The following DMD variants were observed in gnomAD, a reference collection of about 807,000 sequenced individuals.
DMD encodes the protein dystrophin.
A neutral mutation model predicts 330.1 loss-of-function variants in DMD; 63 were observed. The ratio of observed to expected loss-of-function variants is 0.19; its 90% CI spans 0.16 to 0.24. The LOEUF (loss-of-function observed/expected upper bound fraction) is 0.24. Among genes scored for constraint, DMD ranks in the 10% least tolerant of loss-of-function variants. The pLI is 1.00. For synonymous variants in DMD, 1,223 were observed against 959.8 expected, an observed-to-expected ratio of 1.27 and a Z score of -5.07; for missense variants, 3,344 against 2,684.1, an observed-to-expected ratio of 1.25 and a Z score of -5.43.
At chrX:33,172,397 A>G (rs1370597544) in intron 1 of DMD, among the ~76,000 whole-genome samples, 2 of 111,862 alleles carry the variant, frequency 1.8e-5, no homozygotes, top group Non-Finnish European at 3.8e-5. Context: ...CTAAAATTTC[A>G]TCCATCTTTC....
At chrX:32,022,237 A>C (rs986935747) in intron 44 of DMD, among the ~76,000 whole-genome samples, 3 of 112,127 alleles carry the variant, frequency 2.7e-5, no homozygotes, top group African/African-American at 9.7e-5. Flanking sequence ...TGAGAAAGAA[A>C]CCAAAATTCA....
intron 13 of DMD, among the ~76,000 whole-genome samples, chrX:32,586,808 T>C (rs2054340624): frequency 9.0e-6 from 1 of 110,914 alleles, no homozygotes; most frequent in African/African-American, 3.3e-5. Context: ...TTAACTTCAT[T>C]ATGCATTGGC....
Position 31,345,761 on chromosome X carries a change from C to T in DMD, c.9163+2795G>A, listed in dbSNP as rs145574169. Among the ~76,000 whole-genome samples, 987 of 111,579 alleles carry T rather than the reference C, an allele frequency of 8.8e-3. 3 individuals carry two copies. The highest frequency in any genetic ancestry group is 0.018 in the Middle Eastern group (4 of 217). On this transcript the variant is annotated intron_variant, in intron 61 of 78. Transcript: ENST00000357033. ...AGAGCCGTTCCTAAAAGCCACGATC[C>T]CACTCATTTAGATAAACTGCTTTAA...
At chrX:32,449,889 AAG>A (rs755133937) in intron 26 of DMD, among the ~76,000 whole-genome samples, 36 of 110,958 alleles carry the variant, frequency 3.2e-4, no homozygotes, top group African/African-American at 1.1e-3. Flanking sequence ...GAATTGAGAC[AAG>A]AAAGGGAAGA....
At chrX:32,861,217 C>G (rs1449095578) in intron 2 of DMD, among the ~76,000 whole-genome samples, 1 of 112,261 alleles carries the variant, frequency 8.9e-6, no homozygotes, top group Non-Finnish European at 1.9e-5. Flanking sequence ...TGTTAGCTAT[C>G]ACACGTTTAT....
intron 47 of DMD, among the ~76,000 whole-genome samples, chrX:31,886,065 T>A (rs1374214360): frequency 9.0e-6 from 1 of 111,119 alleles, no homozygotes; most frequent in Non-Finnish European, 1.9e-5. Context: ...AAAATAATAA[T>A]AGGGAATTTT....
intron 74 of DMD, 46 bp from the exon 75 acceptor site, chrX:31,147,564 G>T: frequency 9.9e-7 from 1 of 1,011,609 alleles, no homozygotes; most frequent in Non-Finnish European, 1.3e-6. Flanking sequence ...GAAAGAAAAA[G>T]AAAAAGAAGA....
At chrX:32,149,664 C>G (rs1037574162) in intron 44 of DMD, among the ~76,000 whole-genome samples, 6 of 111,661 alleles carry the variant, frequency 5.4e-5, no homozygotes, top group Admixed American at 3.8e-4. Flanking sequence ...AATTTGGACC[C>G]AGAAAGATTT....
intron 12 of DMD, among the ~76,000 whole-genome samples, chrX:32,609,458 A>G (rs1195783601): frequency 9.0e-6 from 1 of 110,981 alleles, no homozygotes; most frequent in East Asian, 2.8e-4. Flanking sequence ...CATTCAGTAT[A>G]GTACAAGACA....
intron 4 of DMD, among the ~76,000 whole-genome samples, chrX:32,827,065 C>CAA (rs1557061629): frequency 1.4e-5 from 1 of 68,986 alleles, no homozygotes; most frequent in African/African-American, 6.5e-5. Context: ...CACCCCCCCC[C>CAA]CACACACACA....
intron 60 of DMD, among the ~76,000 whole-genome samples, chrX:31,376,621 G>A (rs1338004301): frequency 1.2e-4 from 14 of 112,347 alleles, no homozygotes; most frequent in Middle Eastern, 9.2e-3. Context: ...GGAAATGTCA[G>A]AGCATGGGTT....
intron 11 of DMD, among the ~76,000 whole-genome samples, chrX:32,627,436 G>A (rs149192767): frequency 0.025 from 2,472 of 100,440 alleles, 459 homozygotes; most frequent in African/African-American, 0.11. Context: ...AGAATTTGGG[G>A]CTTTTAAATA....
At chrX:32,281,214 A>G (rs1043498908) in intron 43 of DMD, among the ~76,000 whole-genome samples, 1 of 111,594 alleles carries the variant, frequency 9.0e-6, no homozygotes, top group African/African-American at 3.3e-5. Context: ...GTGGTGATAA[A>G]TTTGGAAAAT....
At chrX:32,687,413 T>C (rs1304883433) in intron 9 of DMD, among the ~76,000 whole-genome samples, 1 of 111,985 alleles carries the variant, frequency 8.9e-6, no homozygotes, top group East Asian at 2.8e-4. Flanking sequence ...GAGTTGGGTT[T>C]ATGTTTCTGC....
chrX:31,482,926 A>T lies in DMD; in HGVS notation c.8548-3823T>A, dbSNP rs139993825. Reference sequence around the variant, plus strand: ...GTTAAAACCAGAATAGTTTCAGGAAAATTGGACAGTCTCAGGAAAACGAGG... The same window carrying T: ...GTTAAAACCAGAATAGTTTCAGGAATATTGGACAGTCTCAGGAAAACGAGG... On this transcript the variant is annotated intron_variant, in intron 57 of 78. Transcript: ENST00000357033. Among the ~76,000 whole-genome samples the T allele has an allele frequency of 2.4e-3, 271 of 110,853 alleles. 3 individuals carry two copies. The East Asian group carries it at 0.04, about 16-fold the overall frequency.
At chrX:33,182,815 A>C (rs1453429630) in intron 1 of DMD, among the ~76,000 whole-genome samples, 1 of 112,532 alleles carries the variant, frequency 8.9e-6, no homozygotes, top group African/African-American at 3.2e-5. Context: ...AATCCTATCA[A>C]GGAAAATAAG....
intron 9 of DMD, among the ~76,000 whole-genome samples, chrX:32,684,273 C>A (rs1345674837): frequency 9.0e-6 from 1 of 111,447 alleles, no homozygotes; most frequent in Non-Finnish European, 1.9e-5. Context: ...CAGATATATA[C>A]TCTATTTGAA....
At chrX:33,242,229 A>G (rs921211459) in intron 1 of DMD, among the ~76,000 whole-genome samples, 3 of 111,461 alleles carry the variant, frequency 2.7e-5, no homozygotes, top group African/African-American at 9.8e-5. Context: ...TATACACAGC[A>G]CCGTATTTGT....
chrX:31,922,495 G>GGTGTGT (rs765621749), intron 47 of DMD, among the ~76,000 whole-genome samples: 13,028 of 97,258 alleles, frequency 0.13, 726 homozygotes, highest in Non-Finnish European at 0.15. Flanking sequence ...ACTTGAGACT[G>GGTGTGT]GTGTGTGTGT....
Sources: allele counts gnomAD v4.1 joint callset (sites outside exome capture counted in the v4.1 genomes callset), GRCh38; gene constraint gnomAD v4.1.1; transcripts MANE v1.5; gene names NCBI Gene and HGNC (gene_info 2026-07-23, HGNC 2026-07-21).